The following LLGL2 variants were observed in gnomAD, a reference collection of about 807,000 sequenced individuals.
LLGL2 encodes LLGL scribble cell polarity complex component 2, also known as LLGL2, scribble cell polarity complex component.
Under a neutral mutation model 123.2 loss-of-function variants are expected in LLGL2, and 81 were observed. That is an observed-to-expected ratio of 0.66 (90% CI 0.55 to 0.79). The LOEUF (loss-of-function observed/expected upper bound fraction) is 0.79, where lower values mean the gene tolerates loss of function less well. LLGL2 is among the 30% of genes least tolerant of loss of function. LLGL2 has a pLI of 0.00. For synonymous variants in LLGL2, 577 were observed against 594.1 expected, an observed-to-expected ratio of 0.97 and a Z score of 0.42; for missense variants, 1,273 against 1,414.6, an observed-to-expected ratio of 0.90 and a Z score of 1.61.
At chr17:75,563,612 T>TG (rs2055320859) in intron 8 of LLGL2, 140 bp from the exon 9 acceptor site, 1 of 1,476,414 alleles carries the variant, frequency 6.8e-7, no homozygotes, top group Non-Finnish European at 9.4e-7. Flanking sequence ...CCCAGTTTCT[T>TG]GGGGAACTTC....
intron 16 of LLGL2, 158 bp downstream of exon 16, chr17:75,570,656 C>T (rs945812015): frequency 9.0e-6 from 4 of 446,458 alleles, no homozygotes; most frequent in African/African-American, 8.5e-5. Context: ...GGTCACGCTG[C>T]TTCTCTCTGC....
chr17:75,554,256 C>T (rs1365102318), intron 2 of LLGL2, among the ~76,000 whole-genome samples: 2 of 148,598 alleles, frequency 1.3e-5, no homozygotes, highest in African/African-American at 2.5e-5. Flanking sequence ...GAGCCAAGAT[C>T]GCACCATTGC....
intron 2 of LLGL2, among the ~76,000 whole-genome samples, chr17:75,554,318 A>AG (rs955919881): frequency 1.4e-5 from 2 of 141,074 alleles, no homozygotes; most frequent in Non-Finnish European, 3.2e-5. Flanking sequence ...AAAAAAAAAA[A>AG]AAGCCATTTT....
At chr17:75,540,721 C>T (rs2054175116) in intron 1 of LLGL2, among the ~76,000 whole-genome samples, 1 of 152,200 alleles carries the variant, frequency 6.6e-6, no homozygotes, top group Non-Finnish European at 1.5e-5. Flanking sequence ...CTGCCGCTTC[C>T]TACTTGGTGA....
chr17:75,574,783 G>A (rs987135249), intron 25 of LLGL2, 88 bp from the exon 26 acceptor site: 62 of 1,597,140 alleles, frequency 3.9e-5, no homozygotes, highest in Non-Finnish European at 4.5e-5. Flanking sequence ...TGATGACCAG[G>A]AAAGCACCAT....
At chr17:75,542,357 G>C (rs113599872) in intron 1 of LLGL2, among the ~76,000 whole-genome samples, 1 of 151,986 alleles carries the variant, frequency 6.6e-6, no homozygotes. Flanking sequence ...CCTGGAGCAC[G>C]CGCCTCCAGG....
chr17:75,530,566 T>C (rs1050432349), intron 1 of LLGL2, among the ~76,000 whole-genome samples: 3 of 148,908 alleles, frequency 2.0e-5, no homozygotes, highest in Non-Finnish European at 4.4e-5. Context: ...AGGAGAATGG[T>C]GTGAACCCGG....
At chr17:75,533,299 C>T (rs2053876854) in intron 1 of LLGL2, among the ~76,000 whole-genome samples, 1 of 82,956 alleles carries the variant, frequency 1.2e-5, no homozygotes, top group East Asian at 3.3e-4. Flanking sequence ...GCACCTGGCC[C>T]TTTTTTTTTT....
intron 1 of LLGL2, among the ~76,000 whole-genome samples, chr17:75,542,133 C>G (rs2054236427): frequency 6.6e-6 from 1 of 152,124 alleles, no homozygotes; most frequent in Admixed American, 6.6e-5. Flanking sequence ...TTCTCCCACG[C>G]TGCCCAGATT....
chr17:75,572,430 G>A (rs112088801), intron 19 of LLGL2, among the ~76,000 whole-genome samples: 9,095 of 152,092 alleles, frequency 0.06, 860 homozygotes, highest in African/African-American at 0.21. Context: ...TTGGGAGGCC[G>A]AGGCGGGCAG....
chr17:75,565,015 C>T (rs1334296716), intron 10 of LLGL2, among the ~76,000 whole-genome samples: 4 of 152,200 alleles, frequency 2.6e-5, no homozygotes, highest in Non-Finnish European at 4.4e-5. Context: ...AGAGACCCAG[C>T]CCAGCCACAC....
Position 75,543,498 on chromosome 17 carries a change from CAAGGT to C in LLGL2, c.75+1_75+5del. The C allele has an allele frequency of 6.2e-7, 1 of 1,610,740 alleles. No homozygotes were observed. The highest frequency in any genetic ancestry group is 8.5e-7 in the Non-Finnish European group (1 of 1,178,120). On this transcript the variant is annotated splice_donor_variant and coding_sequence_variant, in exon 2 of 26. Transcript: ENST00000392550. LOFTEE classifies it high-confidence loss of function. ...TCAAGCGGGACCTGTTCCAGTTTAA[CAAGGT>C]AAGTTAGGGAGAGCAGGGAAGATGA...
chr17:75,570,023 G>T lies in LLGL2; in HGVS notation c.1642G>T (p.Asp548Tyr). 1 of 1,612,012 alleles carries T rather than the reference G, an allele frequency of 6.2e-7. No individual in the cohort carries two copies. The highest frequency in any genetic ancestry group is 8.5e-7 in the Non-Finnish European group (1 of 1,179,378). The change falls in exon 15 of 26, where the codon GAC becomes TAC. Residue 548 changes from aspartate to tyrosine, a missense_variant. Asp to Tyr is a radical substitution (Grantham distance 160, BLOSUM62 -3). Transcript: ENST00000392550. ...AEQAVEQVEA[D>Y]LLQDQEGYRW... is the part of the protein sequence containing the mutation. ...GCAGGCTGTGGAGCAGGTGGAGGCC[G>T]ACCTGCTGCAGGACCAAGAGGGCTA... is the stretch of plus-strand genomic sequence containing the variant.
In LLGL2 at chr17:75,549,963, C is replaced by CA. The variant is rs1445471149; in HGVS notation, c.76-6081dup. 6.6e-6 allele frequency among the ~76,000 whole-genome samples: 1 copy of CA among 152,234 alleles called. No individual in the cohort carries two copies. The highest frequency in any genetic ancestry group is 1.5e-5 in the Non-Finnish European group (1 of 68,044). ...TCTGCAAATCTTTGCTCTCCTTTCC[C>CA]AACCCCCCTGTCAAAAGAGTTCATT... On this transcript the variant is annotated intron_variant, in intron 2 of 25. Transcript: ENST00000392550. The surrounding 1 kb of genome is among the most constrained non-coding windows in gnomAD (Gnocchi z 4.0).
At chr17:75,548,688 G>C (rs1038977955) in intron 2 of LLGL2, among the ~76,000 whole-genome samples, 1 of 151,096 alleles carries the variant, frequency 6.6e-6, no homozygotes, top group African/African-American at 2.4e-5. Context: ...CCTGGGAGGC[G>C]GAGGTTGCAG....
chr17:75,532,057 C>CACACAA (rs1282276425), intron 1 of LLGL2, among the ~76,000 whole-genome samples: 1 of 107,202 alleles, frequency 9.3e-6, no homozygotes, highest in African/African-American at 3.0e-5. Context: ...TGTATATATA[C>CACACAA]ACACACACAC....
chr17:75,539,829 G>A (rs1318083463), intron 1 of LLGL2, among the ~76,000 whole-genome samples: 1 of 150,700 alleles, frequency 6.6e-6, no homozygotes, highest in Non-Finnish European at 1.5e-5. Context: ...GGCTGGTCTC[G>A]AACTCCTGAC....
At chr17:75,532,295 G>A (rs2053827837) in intron 1 of LLGL2, among the ~76,000 whole-genome samples, 1 of 151,946 alleles carries the variant, frequency 6.6e-6, no homozygotes, top group African/African-American at 2.4e-5. Context: ...CTGTTGCCCA[G>A]GCTGGAGTAC....
chr17:75,556,438 C>G (rs1490807501), intron 3 of LLGL2, among the ~76,000 whole-genome samples: 1 of 152,152 alleles, frequency 6.6e-6, no homozygotes, highest in African/African-American at 2.4e-5. Flanking sequence ...TGTGTCCTTT[C>G]AGGACCCTTC....
Sources: allele counts gnomAD v4.1 joint callset (sites outside exome capture counted in the v4.1 genomes callset), GRCh38; gene constraint gnomAD v4.1.1; non-coding constraint Gnocchi (gnomAD v3.1); transcripts MANE v1.5; gene names NCBI Gene and HGNC (gene_info 2026-07-23, HGNC 2026-07-21).